SDK1: variants seen among roughly 807,000 people sequenced by gnomAD.
The protein encoded by SDK1 is sidekick cell adhesion molecule 1.
Under a neutral mutation model 245.5 loss-of-function variants are expected in SDK1, and 157 were observed. The ratio of observed to expected loss-of-function variants is 0.64; its 90% CI spans 0.56 to 0.73. The LOEUF (loss-of-function observed/expected upper bound fraction) is 0.73, where lower values mean the gene tolerates loss of function less well. Ranked by LOEUF, SDK1 falls within the 30% of genes least tolerant of loss-of-function variation. The probability of loss-of-function intolerance (pLI) is 0.00; values close to 1 mark genes in which losing one functional copy is unlikely to be tolerated. For synonymous variants in SDK1, 1,647 were observed against 1,278.5 expected (o/e 1.29, Z -6.15); for missense variants, 3,583 against 3,002.3 (o/e 1.19, Z -4.52).
chr7:3,574,767 A>G (rs1166031434), intron 1 of SDK1, among the ~76,000 whole-genome samples: 5 of 152,112 alleles, frequency 3.3e-5, no homozygotes, highest in African/African-American at 7.2e-5. Flanking sequence ...AAACAAACCA[A>G]CTACTCAAAG....
chr7:4,045,610 G>T (rs930364712), intron 17 of SDK1, among the ~76,000 whole-genome samples: 1 of 152,146 alleles, frequency 6.6e-6, no homozygotes. Flanking sequence ...CAGGATTACC[G>T]GGTCACGTGG....
At chr7:3,431,031 G>C (rs1583846578) in intron 1 of SDK1, among the ~76,000 whole-genome samples, 1 of 152,148 alleles carries the variant, frequency 6.6e-6, no homozygotes, top group African/African-American at 2.4e-5. Flanking sequence ...CTCCTGAATA[G>C]CTGAGACTAC....
At chr7:3,987,387 C>T in intron 14 of SDK1, 65 bp downstream of exon 14, 1 of 1,543,604 alleles carries the variant, frequency 6.5e-7, no homozygotes, top group Non-Finnish European at 8.9e-7. Flanking sequence ...CTCTTAATGT[C>T]CTTAACCTTT....
chr7:3,695,561 T>C (rs1446403464), intron 4 of SDK1, among the ~76,000 whole-genome samples: 1 of 152,198 alleles, frequency 6.6e-6, no homozygotes, highest in African/African-American at 2.4e-5. Context: ...AAATGTCCTT[T>C]TAATGGGTGC....
At chr7:3,910,531 G>A (rs1257719392) in intron 5 of SDK1, among the ~76,000 whole-genome samples, 4 of 152,120 alleles carry the variant, frequency 2.6e-5, no homozygotes, top group Admixed American at 6.5e-5. Flanking sequence ...CTGAGTCATC[G>A]TGCCATTCGG....
intron 2 of SDK1, among the ~76,000 whole-genome samples, chr7:3,637,942 C>T (rs1421848580): frequency 1.3e-5 from 2 of 152,226 alleles, no homozygotes; most frequent in Non-Finnish European, 2.9e-5. Context: ...TTTGCCTCTT[C>T]CTGTGGAGTG....
intron 1 of SDK1, among the ~76,000 whole-genome samples, chr7:3,555,410 T>C (rs1341763780): frequency 6.6e-6 from 1 of 152,164 alleles, no homozygotes; most frequent in African/African-American, 2.4e-5. Flanking sequence ...CCTCTATGTC[T>C]CATCACATAC....
intron 1 of SDK1, among the ~76,000 whole-genome samples, chr7:3,582,273 C>A (rs938458681): frequency 6.9e-6 from 1 of 144,676 alleles, no homozygotes; most frequent in Non-Finnish European, 1.5e-5. Flanking sequence ...AGGTAGGTCT[C>A]CCTCAGGTAG....
intron 1 of SDK1, among the ~76,000 whole-genome samples, chr7:3,565,508 C>G (rs757957117): frequency 1.3e-5 from 2 of 152,142 alleles, no homozygotes; most frequent in African/African-American, 4.8e-5. Context: ...ATTGTCATTA[C>G]TTATAGAAAG....
rs116534200 is a variant in SDK1 at position 3,730,891 on chromosome 7, T to C, written c.713+88786T>C. Among the ~76,000 whole-genome samples, 362 of 152,258 alleles carry C rather than the reference T, an allele frequency of 2.4e-3. 4 individuals are homozygous for C. The highest frequency in any genetic ancestry group is 8.4e-3 in the African/African-American group (350 of 41,560). On this transcript the variant is annotated intron_variant, in intron 4 of 44. Coordinates refer to ENST00000404826, the MANE Select transcript of SDK1 (RefSeq NM_152744.4). ...CAGACTAGAGACCCTTTTGCATCTT[T>C]GCCATCAGTCTTTTTGGAATACAGC...
At chr7:3,560,777 A>G (rs1779726444) in intron 1 of SDK1, among the ~76,000 whole-genome samples, 1 of 151,986 alleles carries the variant, frequency 6.6e-6, no homozygotes, top group Non-Finnish European at 1.5e-5. Flanking sequence ...ACCCCTCCCC[A>G]GCTCTGCTCT....
chr7:3,629,830 G>A (rs1782236247), intron 2 of SDK1, among the ~76,000 whole-genome samples: 1 of 152,172 alleles, frequency 6.6e-6, no homozygotes, highest in African/African-American at 2.4e-5. Context: ...AATCAGGAGA[G>A]AAATCAGTTG....
intron 4 of SDK1, among the ~76,000 whole-genome samples, chr7:3,703,335 G>A (rs1229101169): frequency 6.6e-6 from 1 of 152,086 alleles, no homozygotes; most frequent in Admixed American, 6.5e-5. Context: ...GAGTCTGAGG[G>A]GAATTACACT....
At chr7:4,081,579 C>T (rs1402887322) in intron 22 of SDK1, among the ~76,000 whole-genome samples, 1 of 152,038 alleles carries the variant, frequency 6.6e-6, no homozygotes, top group Non-Finnish European at 1.5e-5. Flanking sequence ...CGCCACCCAC[C>T]CAGCCAATTT....
At chr7:3,943,245 G>C (rs1011964369) in intron 5 of SDK1, among the ~76,000 whole-genome samples, 5 of 149,174 alleles carry the variant, frequency 3.4e-5, no homozygotes, top group South Asian at 2.2e-4. Flanking sequence ...TAACAAAAGT[G>C]GGGGAGCAAC....
intron 1 of SDK1, among the ~76,000 whole-genome samples, chr7:3,525,225 T>C (rs1230482508): frequency 1.3e-5 from 2 of 151,994 alleles, no homozygotes; most frequent in Non-Finnish European, 2.9e-5. Flanking sequence ...TGCCCGTGGA[T>C]CCCAAGGGAT....
chr7:4,018,641 C>T (rs1786614990), intron 17 of SDK1, among the ~76,000 whole-genome samples: 1 of 152,218 alleles, frequency 6.6e-6, no homozygotes, highest in Non-Finnish European at 1.5e-5. Context: ...TTACTATTAA[C>T]TGTGACTGTT....
intron 21 of SDK1, among the ~76,000 whole-genome samples, chr7:4,078,365 C>T (rs1301117924): frequency 5.3e-5 from 8 of 152,138 alleles, no homozygotes; most frequent in Admixed American, 3.9e-4. Context: ...ATCCAGAGAG[C>T]TGAGAAATAG....
chr7:3,703,060 CAA>C (rs34926857), intron 4 of SDK1, among the ~76,000 whole-genome samples: 6,527 of 87,560 alleles, frequency 0.075, 326 homozygotes, highest in African/African-American at 0.18. Context: ...GACTCTGTCT[CAA>C]AAAAAAAAAA....
Sources: gnomAD v4.1 joint callset for allele counts (sites outside exome capture counted in the v4.1 genomes callset) on GRCh38, gnomAD v4.1.1 for gene constraint, MANE v1.5 for transcripts, NCBI Gene and HGNC (gene_info 2026-07-23, HGNC 2026-07-21) for gene names.